Variants in SYT1 observed in about 807,000 individuals in gnomAD.
SYT1 encodes the protein synaptotagmin-1.
Under a neutral mutation model 44.8 loss-of-function variants are expected in SYT1, and 8 were observed. The observed-to-expected ratio is 0.18, with a 90% CI of 0.10 to 0.32. The LOEUF is 0.32. Among genes scored for constraint, SYT1 ranks in the 10% least tolerant of loss-of-function variants. SYT1 has a pLI of 1.00. For synonymous variants in SYT1, 154 were observed against 188.8 expected (o/e 0.82, Z 1.51); for missense variants, 286 against 509.3 (o/e 0.56, Z 4.22).
chr12:78,889,904 A>T (rs1874955344), intron 1 of SYT1, among the ~76,000 whole-genome samples: 1 of 151,946 alleles, frequency 6.6e-6, no homozygotes, highest in African/African-American at 2.4e-5. Flanking sequence ...AAAGGGGCTA[A>T]ACACAGTTTT....
At chr12:78,944,848 G>A (rs899406090) in intron 1 of SYT1, among the ~76,000 whole-genome samples, 1 of 152,106 alleles carries the variant, frequency 6.6e-6, no homozygotes, top group Non-Finnish European at 1.5e-5. Flanking sequence ...TAATAACTGA[G>A]ATTAATATCC....
chr12:78,942,331 T>C (rs1260214073), intron 1 of SYT1, among the ~76,000 whole-genome samples: 1 of 152,232 alleles, frequency 6.6e-6, no homozygotes, highest in Non-Finnish European at 1.5e-5. Context: ...GTTCTTAACC[T>C]TTGTCTCTAG....
intron 2 of SYT1, among the ~76,000 whole-genome samples, chr12:79,005,890 A>G (rs1871044203): frequency 6.6e-6 from 1 of 152,130 alleles, no homozygotes; most frequent in African/African-American, 2.4e-5. Context: ...CCCACCATGG[A>G]AACACTTCAA....
chr12:78,947,566 G>A (rs1202625903), intron 1 of SYT1, among the ~76,000 whole-genome samples: 1 of 150,686 alleles, frequency 6.6e-6, no homozygotes, highest in Non-Finnish European at 1.5e-5. Context: ...GTCTAATGGA[G>A]ATTAAAACTT....
At chr12:78,995,110 C>T (rs898057709) in intron 2 of SYT1, among the ~76,000 whole-genome samples, 1 of 152,110 alleles carries the variant, frequency 6.6e-6, no homozygotes, top group Admixed American at 6.5e-5. Flanking sequence ...TTAAATAGGC[C>T]TGAACCAAAG....
At chr12:79,237,246 G>T (rs181690709) in intron 4 of SYT1, among the ~76,000 whole-genome samples, 2 of 152,348 alleles carry the variant, frequency 1.3e-5, no homozygotes, top group African/African-American at 4.8e-5. Flanking sequence ...AACCATTCCA[G>T]GGTTATGCCC....
At chr12:78,886,108 G>T (rs1025611922) in intron 1 of SYT1, among the ~76,000 whole-genome samples, 2 of 151,818 alleles carry the variant, frequency 1.3e-5, no homozygotes, top group South Asian at 4.1e-4. Context: ...CAGCCACTTT[G>T]CCAGCTAATT....
At chr12:79,022,422 T>G (rs1592671237) in intron 2 of SYT1, among the ~76,000 whole-genome samples, 1 of 151,792 alleles carries the variant, frequency 6.6e-6, no homozygotes, top group East Asian at 1.9e-4. Context: ...TTAAAACTAT[T>G]TTCATTATAA....
intron 8 of SYT1, among the ~76,000 whole-genome samples, chr12:79,303,423 C>T (rs772602327): frequency 7.9e-5 from 12 of 151,128 alleles, no homozygotes; most frequent in Non-Finnish European, 1.2e-4. Flanking sequence ...TTTAACATTC[C>T]GCCCTGATAT....
At chr12:79,012,851 A>T (rs942498154) in intron 2 of SYT1, among the ~76,000 whole-genome samples, 3 of 152,224 alleles carry the variant, frequency 2.0e-5, no homozygotes, top group Non-Finnish European at 4.4e-5. Flanking sequence ...CTTTATGATG[A>T]GGTAATGTCC....
chr12:79,062,103 A>G (rs1393359573), intron 3 of SYT1, among the ~76,000 whole-genome samples: 1 of 152,150 alleles, frequency 6.6e-6, no homozygotes, highest in Non-Finnish European at 1.5e-5. Context: ...ATCTCCCTCA[A>G]GGCTGCTCAA....
intron 9 of SYT1, among the ~76,000 whole-genome samples, chr12:79,421,479 C>G (rs1027358382): frequency 7.9e-5 from 12 of 152,084 alleles, no homozygotes; most frequent in South Asian, 2.1e-4. Context: ...AAAATGCTAG[C>G]ATAGCTATTC....
chr12:79,118,598 A>T (rs1184701696), intron 3 of SYT1, among the ~76,000 whole-genome samples: 2 of 152,220 alleles, frequency 1.3e-5, no homozygotes, highest in East Asian at 3.9e-4. Flanking sequence ...GAAAGGAAAT[A>T]AAAGGAGCAT....
intron 10 of SYT1, among the ~76,000 whole-genome samples, chr12:79,446,554 T>C (rs377598375): frequency 1.8e-4 from 27 of 152,194 alleles, no homozygotes; most frequent in East Asian, 9.6e-4. Flanking sequence ...AGCTACTCTG[T>C]AGTATAGGGC....
intron 4 of SYT1, among the ~76,000 whole-genome samples, chr12:79,270,472 CTGAAA>C (rs1250254873): frequency 1.3e-5 from 2 of 152,058 alleles, no homozygotes; most frequent in Non-Finnish European, 2.9e-5. Flanking sequence ...AGGCTCTTGG[CTGAAA>C]TATCTGGGAC....
chr12:79,234,771 C>T (rs111605442), intron 4 of SYT1, among the ~76,000 whole-genome samples: 5,665 of 140,500 alleles, frequency 0.04, 228 homozygotes, highest in East Asian at 0.12. Context: ...AGTGCAGTGG[C>T]GCAATCTTGG....
chr12:79,156,500 C>T (rs898950896), intron 3 of SYT1, among the ~76,000 whole-genome samples: 3 of 151,932 alleles, frequency 2.0e-5, no homozygotes, highest in Admixed American at 2.0e-4. Flanking sequence ...TGGAGTCTCG[C>T]TCTGTCTCCC....
chr12:79,135,253 C>T (rs1976940), intron 3 of SYT1, among the ~76,000 whole-genome samples: 1 of 147,826 alleles, frequency 6.8e-6, no homozygotes, highest in African/African-American at 2.5e-5. Flanking sequence ...TCCCTCCCCC[C>T]TCCCCCCATC....
intron 2 of SYT1, among the ~76,000 whole-genome samples, chr12:78,978,636 C>A (rs866005823): frequency 6.6e-6 from 1 of 152,190 alleles, no homozygotes; most frequent in Non-Finnish European, 1.5e-5. Flanking sequence ...GGCATACACA[C>A]AATTCTATGA....
Sources: allele counts gnomAD v4.1 joint callset (sites outside exome capture counted in the v4.1 genomes callset), GRCh38; gene constraint gnomAD v4.1.1; transcripts MANE v1.5; gene names NCBI Gene and HGNC (gene_info 2026-07-23, HGNC 2026-07-21).